Variants in PPP1R3A observed in about 807,000 individuals in gnomAD.
The protein encoded by PPP1R3A is protein phosphatase 1 regulatory subunit 3A.
A neutral mutation model predicts 41.7 loss-of-function variants in PPP1R3A; 29 were observed. That is an observed-to-expected ratio of 0.70 (90% confidence interval 0.52 to 0.95). PPP1R3A has a LOEUF of 0.95. PPP1R3A is among the 40% of genes least tolerant of loss of function. The pLI is 0.00. For synonymous variants in PPP1R3A, 485 were observed against 453.4 expected (o/e 1.07, Z -0.89); for missense variants, 1,352 against 1,292.4 (o/e 1.05, Z -0.71).
At position 113,878,449 on chromosome 7, in the gene PPP1R3A, A is replaced by G. The variant is rs1796611509; in HGVS notation, c.2643T>C (p.Asp881=). The change falls in exon 4 of 4, where the codon GAT becomes GAC. Residue 881 remains aspartate, a synonymous_variant. Coordinates refer to ENST00000284601, the MANE Select transcript of PPP1R3A (RefSeq NM_002711.4). ...TDKTVFSENR[D]LRQVQELSKK... Reference sequence around the variant, plus strand: ...TTGATAATTCTTGAACCTGCCTAAGATCTCTGTTTTCTGAAAATACAGTTT... The same window carrying G: ...TTGATAATTCTTGAACCTGCCTAAGGTCTCTGTTTTCTGAAAATACAGTTT... 6.2e-7 allele frequency: 1 copy of G among 1,612,432 alleles called. No individual in the cohort carries two copies. The highest frequency in any genetic ancestry group is 8.5e-7 in the Non-Finnish European group (1 of 1,179,670).
In PPP1R3A at chr7:113,879,693, T is replaced by G. The variant is rs773962617; in HGVS notation, c.1399A>C (p.Asn467His). The G allele has an allele frequency of 7.4e-6, 12 of 1,613,206 alleles. No homozygotes were observed. The highest frequency in any genetic ancestry group is 1.0e-5 in the Non-Finnish European group (12 of 1,179,644). The change falls in exon 4 of 4, where the codon AAT (asparagine) becomes CAT (histidine). Residue 467 changes from asparagine to histidine, a missense_variant. Coordinates refer to ENST00000284601, the MANE Select transcript of PPP1R3A (RefSeq NM_002711.4). ...SSDQLMAGNL[N>H]KKHEGGAKNI... Reference sequence around the variant, plus strand: ...TTAGCTCCTCCTTCATGTTTTTTATTAAGGTTTCCTGCCATTAGTTGATCT... The same window carrying G: ...TTAGCTCCTCCTTCATGTTTTTTATGAAGGTTTCCTGCCATTAGTTGATCT...
Position 113,878,963 on chromosome 7 carries a change from C to A in PPP1R3A, c.2129G>T (p.Cys710Phe). 6.2e-7 allele frequency: 1 copy of A among 1,613,336 alleles called. No individual in the cohort carries two copies. The highest frequency in any genetic ancestry group is 8.5e-7 in the Non-Finnish European group (1 of 1,179,808). The change falls in exon 4 of 4, where the codon TGC becomes TTC. Residue 710 changes from cysteine (C) to phenylalanine (F), a missense_variant. By Grantham distance (205) the Cys-to-Phe change is radical (BLOSUM62 -2). Coordinates refer to ENST00000284601, the MANE Select transcript of PPP1R3A (RefSeq NM_002711.4). ...EELFTCQETV[C>F]CELSSLADHG... ...ATCAGCTAGAGAAGACAGTTCACAG[C>A]ACACTGTTTCTTGGCAGGTAAACAA...
chr7:113,883,495 A>G lies in PPP1R3A; in HGVS notation c.783-1175T>C, dbSNP rs530482878. On this transcript the variant is annotated intron_variant, in intron 1 of 3. Coordinates refer to ENST00000284601, the MANE Select transcript of PPP1R3A (RefSeq NM_002711.4). ...TCATAATTTTAACTTTACTAAAAAC[A>G]TTTGGTATTTTTAGTGGGCCCACAT... Among the ~76,000 whole-genome samples the G allele has an allele frequency of 2.0e-5, 3 of 152,060 alleles. No individual in the cohort carries two copies. The South Asian group carries it at 6.2e-4, about 32-fold the overall frequency.
chr7:113,897,039 T>A (rs569866980), intron 1 of PPP1R3A, among the ~76,000 whole-genome samples: 41 of 151,996 alleles, frequency 2.7e-4, no homozygotes, highest in African/African-American at 9.6e-4. Flanking sequence ...TGTTATGGTA[T>A]AACTTTTCAT....
intron 1 of PPP1R3A, among the ~76,000 whole-genome samples, chr7:113,886,581 A>G (rs1246182201): frequency 6.6e-6 from 1 of 152,136 alleles, no homozygotes; most frequent in Non-Finnish European, 1.5e-5. Context: ...CAAATTAGGG[A>G]GAAGGAATCA....
In PPP1R3A at chr7:113,903,476, C is replaced by T. The variant is rs993348183; in HGVS notation, c.782+14739G>A. ...ATGAACACAGAAACAATTATTTAAACTATGAGGTCCCCAAAATATGCCCTG... is the reference window on the plus strand; with the variant it reads ...ATGAACACAGAAACAATTATTTAAATTATGAGGTCCCCAAAATATGCCCTG... On this transcript the variant is annotated intron_variant, in intron 1 of 3. Transcript: ENST00000284601. 3.3e-5 allele frequency among the ~76,000 whole-genome samples: 5 copies of T among 151,666 alleles called. No individual in the cohort carries two copies. In the East Asian group the frequency reaches 7.8e-4, roughly 24 times the overall value.
At chr7:113,912,264 C>T (rs549122204) in intron 1 of PPP1R3A, among the ~76,000 whole-genome samples, 1 of 152,056 alleles carries the variant, frequency 6.6e-6, no homozygotes, top group Admixed American at 6.6e-5. Context: ...CAGACATTTC[C>T]ATTTTCTCAA....
intron 1 of PPP1R3A, among the ~76,000 whole-genome samples, chr7:113,902,365 C>A (rs143830781): frequency 1.3e-5 from 2 of 151,906 alleles, no homozygotes; most frequent in African/African-American, 4.8e-5. Context: ...CTGTTTATAG[C>A]CTGAAGACTC....
intron 1 of PPP1R3A, among the ~76,000 whole-genome samples, chr7:113,917,917 A>G (rs1797367735): frequency 6.6e-6 from 1 of 152,134 alleles, no homozygotes; most frequent in Non-Finnish European, 1.5e-5. Flanking sequence ...TATGTGAATA[A>G]TCTAGATTTC....
chr7:113,880,274 G>A, intron 3 of PPP1R3A, 149 bp from the exon 4 acceptor site: 1 of 843,568 alleles, frequency 1.2e-6, no homozygotes, highest in Non-Finnish European at 1.8e-6. Flanking sequence ...AACTCTGGAA[G>A]CCAGATGTTT....
chr7:113,879,099 A>G lies in PPP1R3A; in HGVS notation c.1993T>C (p.Ser665Pro), dbSNP rs138476822. Residue 665 changes from serine (S) to proline (P), a missense_variant, in exon 4 of 4, where the codon TCA becomes CCA. Physicochemically the swap from Ser to Pro is moderately conservative, Grantham distance 74. Transcript: ENST00000284601. The part of the protein sequence containing the change: ...SWNVLESQGK[S>P]RENKTNITEH... ...GTTATGTTTGTCTTATTCTCTCTTGATTTTCCCTGACTTTCCAGAACATTC... is the reference window on the plus strand; with the variant it reads ...GTTATGTTTGTCTTATTCTCTCTTGGTTTTCCCTGACTTTCCAGAACATTC... The G allele has an allele frequency of 6.2e-7, 1 of 1,613,362 alleles. No homozygotes were observed. Among genetic ancestry groups the G allele is most frequent in the African/African-American group, 1.3e-5 (1 of 74,768 alleles).
In PPP1R3A at chr7:113,880,085, C is replaced by T. The variant is rs1796663171; in HGVS notation, c.1007G>A (p.Arg336Lys). 1 of 1,607,196 alleles carries T rather than the reference C, an allele frequency of 6.2e-7. No individual in the cohort carries two copies. The highest frequency in any genetic ancestry group is 8.5e-7 in the Non-Finnish European group (1 of 1,174,286). Residue 336 changes from arginine to lysine, a missense_variant, in exon 4 of 4, where the codon AGA becomes AAA. Coordinates refer to ENST00000284601, the MANE Select transcript of PPP1R3A (RefSeq NM_002711.4). The part of the protein sequence containing the change: ...HLIRTRSTAS[R>K]DERNTFSTDP... The stretch of plus-strand genomic sequence containing the variant: ...TGTTGAAAATGTATTCCTTTCATCT[C>T]TGGAAGCAGTACTTCTGGTTCTTAT...
intron 1 of PPP1R3A, among the ~76,000 whole-genome samples, chr7:113,902,836 C>T (rs990744862): frequency 2.6e-5 from 4 of 151,816 alleles, no homozygotes; most frequent in Admixed American, 6.6e-5. Context: ...ATGTAAGCTA[C>T]GTAAGGATAA....
In PPP1R3A at chr7:113,910,401, CAAT is replaced by C. The variant is rs1213281033; in HGVS notation, c.782+7811_782+7813del. Among the ~76,000 whole-genome samples the C allele has an allele frequency of 2.6e-5, 4 of 151,962 alleles. No homozygotes were observed. The South Asian group carries it at 6.2e-4, about 24-fold the overall frequency. On this transcript the variant is annotated intron_variant, in intron 1 of 3. Coordinates refer to ENST00000284601, the MANE Select transcript of PPP1R3A (RefSeq NM_002711.4). ...TCAAGTACTGTATTAACATTGGAAA[CAAT>C]AATTATAACTATATTTACACTAAAT...
chr7:113,898,789 A>G (rs1797016522), intron 1 of PPP1R3A, among the ~76,000 whole-genome samples: 1 of 151,804 alleles, frequency 6.6e-6, no homozygotes, highest in African/African-American at 2.4e-5. Context: ...AAAAGAATTT[A>G]TTGTTCGTTC....
intron 1 of PPP1R3A, among the ~76,000 whole-genome samples, chr7:113,892,361 G>A (rs1183995972): frequency 6.6e-6 from 1 of 152,000 alleles, no homozygotes; most frequent in African/African-American, 2.4e-5. Context: ...ATTATATAGT[G>A]TATTGTGGAC....
intron 1 of PPP1R3A, among the ~76,000 whole-genome samples, chr7:113,910,820 T>C (rs1428597423): frequency 6.6e-6 from 1 of 152,120 alleles, no homozygotes; most frequent in South Asian, 2.1e-4. Context: ...CCACGGATGA[T>C]ATTCTGATGG....
rs10243833 is a variant in PPP1R3A at position 113,897,828 on chromosome 7, G to A, written c.783-15508C>T. On this transcript the variant is annotated intron_variant, in intron 1 of 3. Coordinates refer to ENST00000284601, the MANE Select transcript of PPP1R3A (RefSeq NM_002711.4). ...TGAAGATTAGTATAAGAGCAATATG[G>A]TGTTCTGGAAAGGTCAAGTTGAGAA... Among the ~76,000 whole-genome samples, 804 of 151,806 alleles carry A rather than the reference G, an allele frequency of 5.3e-3. 7 individuals carry two copies. The highest frequency in any genetic ancestry group is 0.018 in the African/African-American group (765 of 41,452).
chr7:113,909,101 A>T (rs889527552), intron 1 of PPP1R3A, among the ~76,000 whole-genome samples: 1 of 151,984 alleles, frequency 6.6e-6, no homozygotes, highest in Admixed American at 6.6e-5. Context: ...AACCCATGTA[A>T]CAAACCTGCA....
Sources: allele counts gnomAD v4.1 joint callset (sites outside exome capture counted in the v4.1 genomes callset), GRCh38; gene constraint gnomAD v4.1.1; transcripts MANE v1.5; gene names NCBI Gene and HGNC (gene_info 2026-07-23, HGNC 2026-07-21).